Variants in GRIA2 observed in about 807,000 individuals in gnomAD.
The protein encoded by GRIA2 is glutamate ionotropic receptor AMPA type subunit 2, also known as glutamate receptor 2.
A neutral mutation model predicts 97.3 loss-of-function variants in GRIA2; 14 were observed. That is an observed-to-expected ratio of 0.14 (90% confidence interval 0.10 to 0.23). The LOEUF is 0.23. GRIA2 is among the 10% of genes least tolerant of loss of function. The probability of loss-of-function intolerance (pLI) is 1.00; values close to 1 mark genes in which losing one functional copy is unlikely to be tolerated. For missense variants in GRIA2, 558 were observed against 1,069.8 expected, an observed-to-expected ratio of 0.52 and a Z score of 6.67; for synonymous variants, 412 against 387.8, an observed-to-expected ratio of 1.06 and a Z score of -0.73.
chr4:157,224,095 A>G (rs1297776167), intron 2 of GRIA2, among the ~76,000 whole-genome samples: 2 of 152,236 alleles, frequency 1.3e-5, no homozygotes, highest in East Asian at 3.9e-4. Flanking sequence ...ATTACCACAC[A>G]ATTTAATTTG....
chr4:157,224,113 T>A (rs1560998369), intron 2 of GRIA2, among the ~76,000 whole-genome samples: 1 of 152,180 alleles, frequency 6.6e-6, no homozygotes, highest in Non-Finnish European at 1.5e-5. Flanking sequence ...TTGTCCATAG[T>A]TCTGAGAAGC....
At chr4:157,244,055 A>G (rs562676541) in intron 2 of GRIA2, among the ~76,000 whole-genome samples, 128 of 152,146 alleles carry the variant, frequency 8.4e-4, no homozygotes, top group African/African-American at 3.0e-3. Context: ...AAGGTCTGTT[A>G]TTTAAGGAGG....
intron 2 of GRIA2, among the ~76,000 whole-genome samples, chr4:157,273,895 C>T (rs544493882): frequency 6.6e-6 from 1 of 152,014 alleles, no homozygotes; most frequent in Non-Finnish European, 1.5e-5. Context: ...AAAATAAATG[C>T]CATAAAACCC....
rs2127010044 is a variant in GRIA2 at position 157,365,093 on chromosome 4, G to A, written c.*1662G>A. On this transcript the variant is annotated 3_prime_UTR_variant, in exon 16 of 16. Coordinates refer to ENST00000264426, the MANE Select transcript of GRIA2 (RefSeq NM_001083619.3). ...ATTTCTGGAAGAAAGCCTTTGTGTAGCACTTGGTATTTTGCAAAGTGCTTT... is the reference window on the plus strand; with the variant it reads ...ATTTCTGGAAGAAAGCCTTTGTGTAACACTTGGTATTTTGCAAAGTGCTTT... 1 of 151,704 alleles carries A rather than the reference G, an allele frequency of 6.6e-6. No homozygotes were observed. The highest frequency in any genetic ancestry group is 2.4e-5 in the African/African-American group (1 of 41,492). 9.4% of individuals were successfully genotyped at this position (151,704 alleles called of 1,614,324 possible).
intron 2 of GRIA2, among the ~76,000 whole-genome samples, chr4:157,277,300 A>G (rs1009890816): frequency 1.3e-5 from 2 of 151,976 alleles, no homozygotes; most frequent in African/African-American, 4.8e-5. Context: ...TAATCATATC[A>G]TATGCAGAAA....
chr4:157,234,394 A>G (rs1005603827), intron 2 of GRIA2, among the ~76,000 whole-genome samples: 3 of 152,222 alleles, frequency 2.0e-5, no homozygotes, highest in Admixed American at 1.3e-4. Context: ...ATTTTACTTT[A>G]TTATCATTTT....
intron 2 of GRIA2, among the ~76,000 whole-genome samples, chr4:157,223,569 T>A (rs1475517677): frequency 6.6e-6 from 1 of 152,234 alleles, no homozygotes; most frequent in Non-Finnish European, 1.5e-5. Context: ...TCATTTGATA[T>A]CAGTAAGTTC....
chr4:157,349,608 C>CA (rs2126968708), intron 12 of GRIA2, among the ~76,000 whole-genome samples: 1 of 152,012 alleles, frequency 6.6e-6, no homozygotes, highest in South Asian at 2.1e-4. Context: ...AGCACAGCAC[C>CA]AATGGTCTAG....
rs895863783 is a variant in GRIA2 at position 157,327,501 on chromosome 4, AT to A, written c.883-5311del. Reference sequence around the variant, plus strand: ...AGTCATTTTATCTTCCTTAAAAGTAATTTTTTTAAAGAGAAAGAGTATAAAG... The same window carrying A: ...AGTCATTTTATCTTCCTTAAAAGTAATTTTTTAAAGAGAAAGAGTATAAAG... On this transcript the variant is annotated intron_variant, in intron 6 of 15. Coordinates refer to ENST00000264426, the MANE Select transcript of GRIA2 (RefSeq NM_001083619.3). Among the ~76,000 whole-genome samples, 71 of 152,202 alleles carry A rather than the reference AT, an allele frequency of 4.7e-4. No homozygotes were observed. In the South Asian group the frequency reaches 5.0e-3, roughly 11 times the overall value.
chr4:157,258,836 C>T (rs1390940562), intron 2 of GRIA2, among the ~76,000 whole-genome samples: 1 of 152,024 alleles, frequency 6.6e-6, no homozygotes, highest in East Asian at 1.9e-4. Context: ...TAGAAAAGGA[C>T]CCACGTTGAA....
At chr4:157,255,245 C>A (rs1731187521) in intron 2 of GRIA2, among the ~76,000 whole-genome samples, 1 of 149,746 alleles carries the variant, frequency 6.7e-6, no homozygotes, top group Non-Finnish European at 1.5e-5. Context: ...AACACGATTT[C>A]ATTCTTTTTA....
At chr4:157,355,830 T>TTAAC in intron 12 of GRIA2, among the ~76,000 whole-genome samples, 2 of 70,666 alleles carry the variant, frequency 2.8e-5, no homozygotes, top group African/African-American at 8.5e-5. Flanking sequence ...TATATTTATA[T>TTAAC]ATATTTTTAT....
chr4:157,339,106 C>T (rs1735433758), intron 11 of GRIA2, among the ~76,000 whole-genome samples: 1 of 151,898 alleles, frequency 6.6e-6, no homozygotes, highest in Admixed American at 6.6e-5. Context: ...AATATCTTAT[C>T]TATAAGACAT....
chr4:157,337,835 A>G lies in GRIA2; in HGVS notation c.1844+1088A>G, dbSNP rs536151546. On this transcript the variant is annotated intron_variant, in intron 11 of 15. Coordinates refer to ENST00000264426, the MANE Select transcript of GRIA2 (RefSeq NM_001083619.3). ...AAATTATCAGTAGCTTACTTCTCTGATAGTAGGTAATTATAGTGGGAATGA... is the reference window on the plus strand; with the variant it reads ...AAATTATCAGTAGCTTACTTCTCTGGTAGTAGGTAATTATAGTGGGAATGA... Among the ~76,000 whole-genome samples, 4 of 151,386 alleles carry G rather than the reference A, an allele frequency of 2.6e-5. No individual in the cohort carries two copies. In the South Asian group the frequency reaches 8.3e-4, roughly 32 times the overall value.
intron 6 of GRIA2, among the ~76,000 whole-genome samples, chr4:157,324,117 G>A (rs190864571): frequency 2.0e-5 from 3 of 152,262 alleles, no homozygotes; most frequent in African/African-American, 7.2e-5. Flanking sequence ...GTGCCTATAA[G>A]GGCTAATTTG....
rs531346978 is a variant in GRIA2 at position 157,317,023 on chromosome 4, G to T, written c.667-635G>T. On this transcript the variant is annotated intron_variant, in intron 4 of 15. Transcript: ENST00000264426. ...ATCTTGACATTCATTTTAGATTTGG[G>T]TTTGTGGAGAAAAATTAGCTTCTCT... Among the ~76,000 whole-genome samples, 17 of 152,280 alleles carry T rather than the reference G, an allele frequency of 1.1e-4. 1 individual carries two copies. In the South Asian group the frequency reaches 3.3e-3, roughly 30 times the overall value.
intron 2 of GRIA2, among the ~76,000 whole-genome samples, chr4:157,262,407 C>G (rs1731582380): frequency 6.6e-6 from 1 of 151,976 alleles, no homozygotes; most frequent in Non-Finnish European, 1.5e-5. Context: ...ACTTCAAACT[C>G]AAGTCCATAG....
chr4:157,260,018 A>G (rs1454506964), intron 2 of GRIA2, among the ~76,000 whole-genome samples: 4 of 152,158 alleles, frequency 2.6e-5, no homozygotes, highest in Non-Finnish European at 5.9e-5. Flanking sequence ...TCACAAGTCT[A>G]TGTCATAACA....
intron 2 of GRIA2, among the ~76,000 whole-genome samples, chr4:157,223,393 C>G (rs1329746468): frequency 6.6e-6 from 1 of 151,974 alleles, no homozygotes; most frequent in Non-Finnish European, 1.5e-5. Context: ...TGTGGGGGTA[C>G]AGAACGAAAG....
Sources: allele counts gnomAD v4.1 joint callset (sites outside exome capture counted in the v4.1 genomes callset), GRCh38; gene constraint gnomAD v4.1.1; transcripts MANE v1.5; gene names NCBI Gene and HGNC (gene_info 2026-07-23, HGNC 2026-07-21).